ADAM18: variants seen among roughly 807,000 people sequenced by gnomAD.
The protein encoded by ADAM18 is ADAM metallopeptidase domain 18, also known as disintegrin and metalloproteinase domain-containing protein 18.
A neutral mutation model predicts 94.4 loss-of-function variants in ADAM18; 117 were observed. The ratio of observed to expected loss-of-function variants is 1.24; its 90% CI spans 1.07 to 1.45. ADAM18 has a LOEUF of 1.45. Ranked by LOEUF, ADAM18 falls within the 40% of genes most tolerant of loss-of-function variation. The probability of loss-of-function intolerance (pLI) is 0.00; values close to 1 mark genes in which losing one functional copy is unlikely to be tolerated. For missense variants in ADAM18, 936 were observed against 880.0 expected (o/e 1.06, Z -0.81); for synonymous variants, 327 against 291.6 (o/e 1.12, Z -1.24).
At chr8:39,587,771 ATAAG>A in intron 2 of ADAM18, among the ~76,000 whole-genome samples, 1 of 152,268 alleles carries the variant, frequency 6.6e-6, no homozygotes, top group East Asian at 1.9e-4. Flanking sequence ...GATTCCTCAT[ATAAG>A]TAAGTGGAAT....
intron 6 of ADAM18, among the ~76,000 whole-genome samples, chr8:39,619,879 A>C (rs1819556338): frequency 6.6e-6 from 1 of 152,152 alleles, no homozygotes; most frequent in African/African-American, 2.4e-5. Context: ...CAGAAATAGA[A>C]AAAAGTCAAT....
intron 6 of ADAM18, among the ~76,000 whole-genome samples, chr8:39,628,219 C>T (rs1819827465): frequency 6.6e-6 from 1 of 150,936 alleles, no homozygotes; most frequent in Non-Finnish European, 1.5e-5. Flanking sequence ...AAAAACACAC[C>T]AATAATGAAA....
chr8:39,628,917 C>A (rs1585915326), intron 6 of ADAM18, among the ~76,000 whole-genome samples: 1 of 151,934 alleles, frequency 6.6e-6, no homozygotes, highest in Non-Finnish European at 1.5e-5. Context: ...ACCTATAAAT[C>A]ATCAATTATT....
Position 39,658,562 on chromosome 8 carries a change from G to A in ADAM18, c.1231-5233G>A, listed in dbSNP as rs78289902. On this transcript the variant is annotated intron_variant, in intron 12 of 19. Coordinates refer to ENST00000265707, the MANE Select transcript of ADAM18 (RefSeq NM_014237.3). ...TACCAGAAAGCTTCCAGAAAAGAAC[G>A]CAAGCCCACCAACACCTTGATTTTT... is the stretch of plus-strand genomic sequence containing the variant. 5.4e-4 allele frequency among the ~76,000 whole-genome samples: 82 copies of A among 152,184 alleles called. 2 individuals are homozygous for A. In the East Asian group the frequency reaches 0.015, roughly 29 times the overall value.
At chr8:39,699,798 T>C (rs1415959704) in intron 17 of ADAM18, among the ~76,000 whole-genome samples, 1 of 152,118 alleles carries the variant, frequency 6.6e-6, no homozygotes, top group Non-Finnish European at 1.5e-5. Flanking sequence ...CAGAGCAGAA[T>C]GTGATAATGG....
In ADAM18 at chr8:39,609,068, T is replaced by C; in HGVS notation, c.215T>C (p.Val72Ala). The C allele has an allele frequency of 6.3e-7, 1 of 1,589,602 alleles. No individual in the cohort carries two copies. Among genetic ancestry groups the C allele is most frequent in the Non-Finnish European group, 8.6e-7 (1 of 1,167,108 alleles). ...TCATTCTTACCCCAGAACTTTTTGG[T>C]TTATACATATAATGAAACTGGATCT... Reference protein sequence around the residue: ...KQSFLPQNFLVYTYNETGSLH... With the variant: ...KQSFLPQNFLAYTYNETGSLH... Residue 72 changes from valine to alanine, a missense_variant, in exon 4 of 20, where the codon GTT becomes GCT. Physicochemically the swap from Val to Ala is moderately conservative, Grantham distance 64. Coordinates refer to ENST00000265707, the MANE Select transcript of ADAM18 (RefSeq NM_014237.3).
At position 39,603,680 on chromosome 8, in the gene ADAM18, G is replaced by A. The variant is rs186989321; in HGVS notation, c.133-2627G>A. On this transcript the variant is annotated intron_variant, in intron 2 of 19. Transcript: ENST00000265707. ...AACATCTCTGAGGTAAGCCTATATT[G>A]TTAGTTTTGTGTTTTAAACTCTCTA... Among the ~76,000 whole-genome samples the A allele has an allele frequency of 2.0e-5, 3 of 152,210 alleles. No individual in the cohort carries two copies. In the East Asian group the frequency reaches 5.8e-4, roughly 29 times the overall value.
At chr8:39,681,962 G>A (rs1821474511) in intron 16 of ADAM18, among the ~76,000 whole-genome samples, 1 of 152,124 alleles carries the variant, frequency 6.6e-6, no homozygotes, top group African/African-American at 2.4e-5. Flanking sequence ...TGATGATTTT[G>A]AAAATTCTTA....
rs141693981 is a variant in ADAM18 at position 39,698,277 on chromosome 8, T to C, written c.1902+5597T>C. 5.3e-4 allele frequency among the ~76,000 whole-genome samples: 81 copies of C among 152,086 alleles called. No homozygotes were observed. The East Asian group carries it at 0.013, about 24-fold the overall frequency. Reference sequence around the variant, plus strand: ...CATTTTTAAATTTCTTTACTTTTAATAGATTTCAATTGTGTGGGGAAATTT... The same window carrying C: ...CATTTTTAAATTTCTTTACTTTTAACAGATTTCAATTGTGTGGGGAAATTT... On this transcript the variant is annotated intron_variant, in intron 17 of 19. Coordinates refer to ENST00000265707, the MANE Select transcript of ADAM18 (RefSeq NM_014237.3).
chr8:39,698,891 T>C (rs2129581045), intron 17 of ADAM18, among the ~76,000 whole-genome samples: 1 of 152,174 alleles, frequency 6.6e-6, no homozygotes, highest in Non-Finnish European at 1.5e-5. Flanking sequence ...CATCTTTATC[T>C]CCTCAGCATC....
intron 16 of ADAM18, 79 bp downstream of exon 16, chr8:39,680,305 A>C: frequency 7.8e-7 from 1 of 1,278,720 alleles, no homozygotes; most frequent in Non-Finnish European, 1.1e-6. Context: ...GATGACTATC[A>C]CAATTATATT....
chr8:39,608,955 G>A (rs994930121), intron 3 of ADAM18, 87 bp from the exon 4 acceptor site: 56 of 760,344 alleles, frequency 7.4e-5, no homozygotes, highest in Admixed American at 2.9e-4. Flanking sequence ...TAATTAAATC[G>A]TGTTATATAA....
At chr8:39,637,209 T>C (rs1238551205) in intron 7 of ADAM18, 55 bp from the exon 8 acceptor site, 5 of 1,327,778 alleles carry the variant, frequency 3.8e-6, no homozygotes, top group African/African-American at 1.5e-5. Context: ...AAATATCATT[T>C]CATTCACATG....
chr8:39,614,090 T>C (rs1003412973), intron 6 of ADAM18, among the ~76,000 whole-genome samples: 4 of 152,136 alleles, frequency 2.6e-5, no homozygotes, highest in Non-Finnish European at 5.9e-5. Flanking sequence ...CAAACTTTAC[T>C]AGAAAGGTTA....
At chr8:39,698,675 A>C (rs1179162111) in intron 17 of ADAM18, among the ~76,000 whole-genome samples, 1 of 152,102 alleles carries the variant, frequency 6.6e-6, no homozygotes, top group Non-Finnish European at 1.5e-5. Context: ...TGGAATGTTT[A>C]ACAATGATGG....
intron 16 of ADAM18, among the ~76,000 whole-genome samples, chr8:39,691,365 CTGTT>C (rs1274628326): frequency 6.6e-6 from 1 of 152,100 alleles, no homozygotes; most frequent in East Asian, 1.9e-4. Context: ...CTCTTATACA[CTGTT>C]TGTGACAATG....
At chr8:39,666,905 TTGTG>T (rs1339430052) in intron 13 of ADAM18, among the ~76,000 whole-genome samples, 1 of 151,300 alleles carries the variant, frequency 6.6e-6, no homozygotes, top group Non-Finnish European at 1.5e-5. Flanking sequence ...GTGTGTGTGT[TTGTG>T]TGTGTGTTTG....
chr8:39,637,017 TTTTATATATATATATATA>T (rs1480173116), intron 7 of ADAM18, among the ~76,000 whole-genome samples: 135 of 84,774 alleles, frequency 1.6e-3, no homozygotes, highest in African/African-American at 4.7e-3. Flanking sequence ...CATGTGTGTA[TTTTATATATATATATATA>T]TATATATATA....
At chr8:39,643,174 G>A (rs1032327462) in intron 10 of ADAM18, among the ~76,000 whole-genome samples, 28 of 152,252 alleles carry the variant, frequency 1.8e-4, no homozygotes, top group African/African-American at 6.0e-4. Flanking sequence ...AGTTTAAGAC[G>A]TATTTGGGAT....
Sources: gnomAD v4.1 joint callset for allele counts (sites outside exome capture counted in the v4.1 genomes callset) on GRCh38, gnomAD v4.1.1 for gene constraint, MANE v1.5 for transcripts, NCBI Gene and HGNC (gene_info 2026-07-23, HGNC 2026-07-21) for gene names.